The following TMEM255B variants were observed in gnomAD, a reference collection of about 807,000 sequenced individuals.
TMEM255B encodes the protein transmembrane protein 255B, also known as family with sequence similarity 70, member B.
In TMEM255B, 35 loss-of-function variants were observed where a neutral mutation model predicts 34.5. The ratio of observed to expected loss-of-function variants is 1.01; its 90% CI spans 0.77 to 1.34. The LOEUF (loss-of-function observed/expected upper bound fraction) is 1.34, where lower values mean the gene tolerates loss of function less well. Among genes scored for constraint, TMEM255B ranks in the 40% most tolerant of loss-of-function variants. TMEM255B has a pLI of 0.00. For missense variants in TMEM255B, 432 were observed against 433.2 expected, an observed-to-expected ratio of 1.00 and a Z score of 0.02; for synonymous variants, 206 against 201.2, an observed-to-expected ratio of 1.02 and a Z score of -0.20.
At chr13:113,792,979 C>T (rs2050856755) in intron 3 of TMEM255B, among the ~76,000 whole-genome samples, 1 of 152,260 alleles carries the variant, frequency 6.6e-6, no homozygotes, top group South Asian at 2.1e-4. Flanking sequence ...GTCCGTGACA[C>T]TCATGAATAA....
chr13:113,776,983 G>C (rs959440208), intron 3 of TMEM255B, among the ~76,000 whole-genome samples: 16 of 152,254 alleles, frequency 1.1e-4, no homozygotes, highest in African/African-American at 3.9e-4. Context: ...CTGTCTGCTT[G>C]TAAAGTGCCC....
intron 3 of TMEM255B, among the ~76,000 whole-genome samples, chr13:113,778,143 C>A (rs1165240749): frequency 1.3e-5 from 2 of 152,198 alleles, no homozygotes; most frequent in Admixed American, 1.3e-4. Flanking sequence ...AGGATCGGTG[C>A]AGGACAGGCG....
intron 1 of TMEM255B, among the ~76,000 whole-genome samples, chr13:113,762,955 T>A (rs1368458935): frequency 1.3e-5 from 2 of 152,258 alleles, no homozygotes; most frequent in African/African-American, 4.8e-5. Context: ...TCTCAAATAC[T>A]TAGTCCCATA....
intron 8 of TMEM255B, among the ~76,000 whole-genome samples, chr13:113,810,941 G>A (rs1278240399): frequency 6.6e-6 from 1 of 152,144 alleles, no homozygotes; most frequent in South Asian, 2.1e-4. Context: ...CAGGCCTGGT[G>A]GACCCTAACT....
chr13:113,807,344 C>CACA (rs2051194199), intron 8 of TMEM255B, among the ~76,000 whole-genome samples: 1 of 91,720 alleles, frequency 1.1e-5, no homozygotes, highest in African/African-American at 4.2e-5. Flanking sequence ...ATGTGGGGGG[C>CACA]GGTCCTCCCC....
In TMEM255B at chr13:113,795,242, G is replaced by A. The variant is rs1263787235; in HGVS notation, c.342+5G>A. ...GTATTTGCAGCACAGCACATTGTGA[G>A]TACATTGTCATTGTGTGCACAGTCG... On this transcript the variant is annotated splice_donor_5th_base_variant and intron_variant, in intron 4 of 8. Transcript: ENST00000375353. The A allele has an allele frequency of 6.2e-7, 1 of 1,612,844 alleles. No homozygotes were observed. Among genetic ancestry groups the A allele is most frequent in the Non-Finnish European group, 8.5e-7 (1 of 1,179,444 alleles).
intron 1 of TMEM255B, among the ~76,000 whole-genome samples, 185 bp downstream of exon 1, chr13:113,759,500 G>T (rs558525210): frequency 6.6e-6 from 1 of 152,360 alleles, no homozygotes; most frequent in South Asian, 2.1e-4. Context: ...GGGGTCGGGC[G>T]TTCGTCCTAC....
At chr13:113,793,930 AC>A (rs1008583642) in intron 3 of TMEM255B, among the ~76,000 whole-genome samples, 3 of 151,868 alleles carry the variant, frequency 2.0e-5, no homozygotes, top group African/African-American at 7.3e-5. Context: ...GCCAGCCCCC[AC>A]CCCCCGCCTT....
chr13:113,786,913 G>A (rs1488621237), intron 3 of TMEM255B, among the ~76,000 whole-genome samples: 3 of 152,212 alleles, frequency 2.0e-5, no homozygotes, highest in Non-Finnish European at 2.9e-5. Context: ...TGGTTTTTGA[G>A]GAGGAGTGAG....
intron 1 of TMEM255B, among the ~76,000 whole-genome samples, chr13:113,763,223 TATC>T (rs1262430905): frequency 6.6e-6 from 1 of 152,264 alleles, no homozygotes; most frequent in Non-Finnish European, 1.5e-5. Flanking sequence ...ATGGTGTTAT[TATC>T]ATCAATATGA....
chr13:113,805,160 G>T, intron 8 of TMEM255B, 132 bp downstream of exon 8: 1 of 1,170,708 alleles, frequency 8.5e-7, no homozygotes, highest in South Asian at 1.7e-5. Flanking sequence ...GGGAGGTGGG[G>T]GGCAGTGACA....
intron 3 of TMEM255B, among the ~76,000 whole-genome samples, chr13:113,794,590 C>A (rs189014117): frequency 6.6e-6 from 1 of 151,874 alleles, no homozygotes; most frequent in Non-Finnish European, 1.5e-5. Flanking sequence ...ATGGAGACTC[C>A]CTGCTAGTTT....
intron 3 of TMEM255B, among the ~76,000 whole-genome samples, chr13:113,789,341 G>A (rs148388024): frequency 1.3e-5 from 2 of 152,338 alleles, no homozygotes; most frequent in African/African-American, 4.8e-5. Flanking sequence ...TCCTGGCAGT[G>A]GCCGTAGACA....
At chr13:113,798,692 TGGAA>T (rs1475643521) in intron 4 of TMEM255B, among the ~76,000 whole-genome samples, 2 of 147,064 alleles carry the variant, frequency 1.4e-5, no homozygotes, top group Non-Finnish European at 3.0e-5. Context: ...GGTGGATGGA[TGGAA>T]GGATGGATGG....
In TMEM255B at chr13:113,799,333, C is replaced by T; in HGVS notation, c.343-6C>T. 6.2e-7 allele frequency: 1 copy of T among 1,613,818 alleles called. No homozygotes were observed. On this transcript the variant is annotated splice_region_variant and splice_polypyrimidine_tract_variant and intron_variant, in intron 4 of 8. Coordinates refer to ENST00000375353, the MANE Select transcript of TMEM255B (RefSeq NM_182614.4). ...TTATTCCATCTGTGTTTATCTGTTTCTCTAGGAACCGAGGCCCCTCACCAC... is the reference window on the plus strand; with the variant it reads ...TTATTCCATCTGTGTTTATCTGTTTTTCTAGGAACCGAGGCCCCTCACCAC...
At chr13:113,762,880 G>A (rs1158802206) in intron 1 of TMEM255B, among the ~76,000 whole-genome samples, 1 of 152,226 alleles carries the variant, frequency 6.6e-6, no homozygotes, top group East Asian at 1.9e-4. Flanking sequence ...TGCATGCAGT[G>A]CATTTAATTA....
intron 5 of TMEM255B, chr13:113,799,727 A>G: frequency 1.4e-6 from 1 of 698,336 alleles, no homozygotes. Context: ...TTGCAATAAG[A>G]AGCAAGGATA....
In TMEM255B at chr13:113,811,719, C is replaced by T. The variant is rs761091050; in HGVS notation, c.814-17C>T. The T allele has an allele frequency of 5.6e-6, 9 of 1,613,142 alleles. No individual in the cohort carries two copies. In the East Asian group the frequency reaches 1.8e-4, roughly 32 times the overall value. On this transcript the variant is annotated splice_polypyrimidine_tract_variant and intron_variant, in intron 8 of 8. Transcript: ENST00000375353. The stretch of plus-strand genomic sequence containing the variant: ...TGGTCTCACCTGCTAACCCAGGGCC[C>T]TCTCTGTTTATTGCAGCCCTGCAGC...
intron 8 of TMEM255B, among the ~76,000 whole-genome samples, chr13:113,805,571 T>G (rs1437955004): frequency 6.6e-6 from 1 of 152,188 alleles, no homozygotes; most frequent in Non-Finnish European, 1.5e-5. Flanking sequence ...CCGCCTTCTG[T>G]GCCATGAAGC....
Sources: allele counts gnomAD v4.1 joint callset (sites outside exome capture counted in the v4.1 genomes callset), GRCh38; gene constraint gnomAD v4.1.1; transcripts MANE v1.5; gene names NCBI Gene and HGNC (gene_info 2026-07-23, HGNC 2026-07-21).